The following CNOT1 variants were observed in gnomAD, a reference collection of about 807,000 sequenced individuals.
CNOT1 encodes CCR4-associated factor 1.
CNOT1 carries 15 observed loss-of-function variants against 273.8 expected under a neutral mutation model. That is an observed-to-expected ratio of 0.05 (90% CI 0.04 to 0.08). The LOEUF (loss-of-function observed/expected upper bound fraction) is 0.08, where lower values mean the gene tolerates loss of function less well. Among genes scored for constraint, CNOT1 ranks in the 10% least tolerant of loss-of-function variants. CNOT1 has a pLI of 1.00. For synonymous variants in CNOT1, 1,022 were observed against 1,005.5 expected, an observed-to-expected ratio of 1.02 and a Z score of -0.31; for missense variants, 1,644 against 2,912.2, an observed-to-expected ratio of 0.56 and a Z score of 10.02.
chr16:58,545,040 A>G (rs2040212014), intron 30 of CNOT1, among the ~76,000 whole-genome samples: 1 of 152,272 alleles, frequency 6.6e-6, no homozygotes, highest in African/African-American at 2.4e-5. Flanking sequence ...TAAAGAAAAT[A>G]AAAAGCTATG....
chr16:58,554,799 A>G (rs2040574107), intron 21 of CNOT1, among the ~76,000 whole-genome samples: 1 of 151,902 alleles, frequency 6.6e-6, no homozygotes, highest in African/African-American at 2.4e-5. Flanking sequence ...AGCTGGGTGC[A>G]GTGGCACGCG....
At chr16:58,577,368 G>C (rs992690100) in intron 13 of CNOT1, among the ~76,000 whole-genome samples, 1 of 152,086 alleles carries the variant, frequency 6.6e-6, no homozygotes, top group African/African-American at 2.4e-5. Flanking sequence ...GCAAATGCTT[G>C]GTTAAATGTT....
intron 2 of CNOT1, among the ~76,000 whole-genome samples, chr16:58,589,759 C>T (rs894880769): frequency 1.3e-5 from 2 of 152,098 alleles, no homozygotes; most frequent in African/African-American, 2.4e-5. Flanking sequence ...CCATAAGATC[C>T]GACTTCAGTG....
chr16:58,567,637 T>C (rs1301676414), intron 16 of CNOT1, among the ~76,000 whole-genome samples: 1 of 151,004 alleles, frequency 6.6e-6, no homozygotes, highest in Non-Finnish European at 1.5e-5. Context: ...ACTAGAAAAG[T>C]GTCTGAATCA....
chr16:58,593,133 CA>C (rs2042119117), intron 2 of CNOT1, among the ~76,000 whole-genome samples: 1 of 152,160 alleles, frequency 6.6e-6, no homozygotes, highest in Non-Finnish European at 1.5e-5. Context: ...GTTAAGAATA[CA>C]TATTTCGGCC....
chr16:58,531,908 A>C lies in CNOT1; in HGVS notation c.6177+50T>G, dbSNP rs750894076. The C allele has an allele frequency of 3.1e-6, 5 of 1,595,346 alleles. No homozygotes were observed. The South Asian group carries it at 4.5e-5, about 14-fold the overall frequency. On this transcript the variant is annotated intron_variant, in intron 42 of 48. Coordinates refer to ENST00000317147, the MANE Select transcript of CNOT1 (RefSeq NM_016284.5). ...AATCTATAGGCAATGCTAATAAATA[A>C]GCCCAGGTAGTTATAGTCTTCATCT...
chr16:58,543,475 A>C (rs2040160819), intron 31 of CNOT1, 132 bp downstream of exon 31: 1 of 1,514,534 alleles, frequency 6.6e-7, no homozygotes, highest in Non-Finnish European at 8.8e-7. Flanking sequence ...AAATGATGGA[A>C]GACATCAAAC....
chr16:58,598,654 G>A (rs934608765), intron 2 of CNOT1, among the ~76,000 whole-genome samples: 2 of 151,102 alleles, frequency 1.3e-5, no homozygotes, highest in African/African-American at 4.9e-5. Context: ...AAAAAGTAAA[G>A]AAAGGAAAAT....
At chr16:58,545,781 T>C (rs1282681031) in intron 29 of CNOT1, among the ~76,000 whole-genome samples, 2 of 152,224 alleles carry the variant, frequency 1.3e-5, no homozygotes, top group Non-Finnish European at 2.9e-5. Flanking sequence ...ACTTAGTCTA[T>C]ATTATAAATG....
At chr16:58,587,040 G>A (rs1468322835) in intron 6 of CNOT1, among the ~76,000 whole-genome samples, 161 bp downstream of exon 6, 1 of 152,166 alleles carries the variant, frequency 6.6e-6, no homozygotes, top group Non-Finnish European at 1.5e-5. Flanking sequence ...ACTTAAAGTG[G>A]TTATGAGGGT....
intron 36 of CNOT1, among the ~76,000 whole-genome samples, chr16:58,538,486 C>T (rs1463691630): frequency 6.6e-6 from 1 of 152,188 alleles, no homozygotes; most frequent in Non-Finnish European, 1.5e-5. Flanking sequence ...CATTAAAATA[C>T]TTATACACGA....
intron 20 of CNOT1, 21 bp downstream of exon 20, chr16:58,555,763 T>C (rs546165184): frequency 7.4e-6 from 12 of 1,613,028 alleles, no homozygotes; most frequent in East Asian, 2.2e-5. Context: ...AATAAATAAG[T>C]AGATCATCCT....
intron 43 of CNOT1, among the ~76,000 whole-genome samples, chr16:58,529,040 T>C (rs1038497365): frequency 1.3e-5 from 2 of 151,716 alleles, no homozygotes; most frequent in African/African-American, 4.8e-5. Context: ...GGGCCCAAGT[T>C]AGTTATTAGA....
intron 45 of CNOT1, among the ~76,000 whole-genome samples, chr16:58,525,589 CTAAAG>C (rs1157691167): frequency 5.9e-5 from 9 of 152,214 alleles, no homozygotes; most frequent in African/African-American, 9.6e-5. Context: ...AGGCACAGCT[CTAAAG>C]TAAAGTTTAT....
At chr16:58,544,981 G>A (rs1164045735) in intron 30 of CNOT1, among the ~76,000 whole-genome samples, 1 of 152,190 alleles carries the variant, frequency 6.6e-6, no homozygotes, top group Non-Finnish European at 1.5e-5. Flanking sequence ...CTCATTTCCA[G>A]CCTTCAGGTG....
At chr16:58,589,491 A>G (rs1199140316) in intron 2 of CNOT1, among the ~76,000 whole-genome samples, 1 of 152,152 alleles carries the variant, frequency 6.6e-6, no homozygotes, top group African/African-American at 2.4e-5. Context: ...CAGCCTGACC[A>G]ACAAGAGTGA....
At chr16:58,584,522 G>A (rs957343184) in intron 8 of CNOT1, among the ~76,000 whole-genome samples, 1 of 151,922 alleles carries the variant, frequency 6.6e-6, no homozygotes, top group African/African-American at 2.4e-5. Flanking sequence ...GTATAGACAG[G>A]GTCTTCACCA....
At chr16:58,614,136 A>T (rs921720573) in intron 1 of CNOT1, among the ~76,000 whole-genome samples, 2 of 122,890 alleles carry the variant, frequency 1.6e-5, no homozygotes, top group Non-Finnish European at 3.9e-5. Flanking sequence ...AAACCAAAAA[A>T]TATTATGCCA....
Position 58,585,426 on chromosome 16 carries a change from G to C in CNOT1, c.718C>G (p.Leu240Val). The change falls in exon 8 of 49, where the codon CTG becomes GTG. Residue 240 changes from leucine (L) to valine (V), a missense_variant. This residue lies in a region of CNOT1 where 706 missense variants were observed against 1,021.2 expected (regional missense o/e 0.69). Coordinates refer to ENST00000317147, the MANE Select transcript of CNOT1 (RefSeq NM_016284.5). ...EKRDILMDRI[L>V]PDSGGVAKTM... ...TTAGCTACCCCTCCGGAATCAGGCA[G>C]GATCCTGTCCATTAGAATGTCCCGT... 6.8e-6 allele frequency: 11 copies of C among 1,613,860 alleles called. No individual in the cohort carries two copies. The highest frequency in any genetic ancestry group is 9.3e-6 in the Non-Finnish European group (11 of 1,179,992).
Sources: gnomAD v4.1 joint callset for allele counts (sites outside exome capture counted in the v4.1 genomes callset) on GRCh38, gnomAD v4.1.1 for gene constraint, gnomAD v4.1.1 regional missense constraint, MANE v1.5 for transcripts, NCBI Gene and HGNC (gene_info 2026-07-23, HGNC 2026-07-21) for gene names.